The following BRINP3 variants were observed in gnomAD, a reference collection of about 807,000 sequenced individuals.
The protein encoded by BRINP3 is BMP/retinoic acid inducible neural specific 3.
A neutral mutation model predicts 71.0 loss-of-function variants in BRINP3; 19 were observed. The observed-to-expected ratio is 0.27, with a 90% confidence interval of 0.19 to 0.39. The LOEUF is 0.39. BRINP3 is among the 10% of genes least tolerant of loss of function. The pLI, the probability that BRINP3 is intolerant of heterozygous loss-of-function variation, is 1.00. For synonymous variants in BRINP3, 380 were observed against 337.7 expected (o/e 1.13, Z -1.37); for missense variants, 959 against 940.8 (o/e 1.02, Z -0.25).
intron 6 of BRINP3, among the ~76,000 whole-genome samples, chr1:190,190,230 C>T (rs1653915064): frequency 6.6e-6 from 1 of 152,040 alleles, no homozygotes; most frequent in Admixed American, 6.6e-5. Context: ...AAATGCTGGG[C>T]TTTACTTTGG....
intron 2 of BRINP3, among the ~76,000 whole-genome samples, chr1:190,415,656 A>C (rs1475624694): frequency 1.3e-5 from 2 of 152,130 alleles, no homozygotes; most frequent in Admixed American, 6.5e-5. Context: ...GTAAACTCAA[A>C]TAGGGATGCT....
At chr1:190,144,814 A>T (rs1655750751) in intron 7 of BRINP3, among the ~76,000 whole-genome samples, 1 of 152,140 alleles carries the variant, frequency 6.6e-6, no homozygotes, top group Admixed American at 6.5e-5. Flanking sequence ...ATGGGAAGCC[A>T]CAGGGGCTCC....
intron 7 of BRINP3, among the ~76,000 whole-genome samples, chr1:190,147,272 T>G (rs1423661088): frequency 6.6e-6 from 1 of 152,120 alleles, no homozygotes; most frequent in African/African-American, 2.4e-5. Context: ...CAAGTTTTAT[T>G]TACTGGCAAA....
chr1:190,379,882 C>A (rs1017579464), intron 2 of BRINP3, among the ~76,000 whole-genome samples: 5 of 151,052 alleles, frequency 3.3e-5, no homozygotes, highest in African/African-American at 7.3e-5. Flanking sequence ...ACCTGTAATT[C>A]CAGCTACTCA....
intron 6 of BRINP3, among the ~76,000 whole-genome samples, chr1:190,205,257 A>G (rs1293258614): frequency 2.0e-5 from 3 of 150,416 alleles, no homozygotes; most frequent in Middle Eastern, 3.2e-3. Context: ...AGATGTATGC[A>G]ACTTCTGAGC....
At chr1:190,443,318 T>C (rs1308440416) in intron 2 of BRINP3, among the ~76,000 whole-genome samples, 2 of 149,354 alleles carry the variant, frequency 1.3e-5, no homozygotes, top group Non-Finnish European at 3.0e-5. Context: ...GGCAGGAGAA[T>C]GGCGTGAACC....
intron 7 of BRINP3, among the ~76,000 whole-genome samples, chr1:190,160,394 T>C (rs1657242900): frequency 6.6e-6 from 1 of 152,188 alleles, no homozygotes; most frequent in African/African-American, 2.4e-5. Context: ...CAATTATTAG[T>C]TGGCTACAAC....
At chr1:190,379,085 A>G (rs2102235443) in intron 2 of BRINP3, among the ~76,000 whole-genome samples, 1 of 152,368 alleles carries the variant, frequency 6.6e-6, no homozygotes, top group African/African-American at 2.4e-5. Context: ...TCTCGATAAA[A>G]ATAACTTTAA....
intron 7 of BRINP3, among the ~76,000 whole-genome samples, chr1:190,104,896 A>G (rs931950704): frequency 6.6e-6 from 1 of 152,112 alleles, no homozygotes; most frequent in African/African-American, 2.4e-5. Context: ...TGTGGATACA[A>G]ACTTTAAAAC....
At chr1:190,301,363 A>G (rs1664727399) in intron 2 of BRINP3, among the ~76,000 whole-genome samples, 1 of 150,010 alleles carries the variant, frequency 6.7e-6, no homozygotes, top group African/African-American at 2.4e-5. Flanking sequence ...TGTGTTTAAT[A>G]TTTCCTCTAA....
intron 2 of BRINP3, among the ~76,000 whole-genome samples, chr1:190,392,392 A>G (rs557777758): frequency 6.6e-6 from 1 of 151,668 alleles, no homozygotes; most frequent in Non-Finnish European, 1.5e-5. Context: ...TAATATTACT[A>G]CTTCTACTTT....
chr1:190,323,009 G>T (rs908600424), intron 2 of BRINP3, among the ~76,000 whole-genome samples: 38 of 152,098 alleles, frequency 2.5e-4, no homozygotes, highest in Admixed American at 6.6e-4. Context: ...GTACTTTGAG[G>T]ATTCAAGGTC....
At chr1:190,337,838 G>A (rs1455525338) in intron 2 of BRINP3, among the ~76,000 whole-genome samples, 1 of 151,990 alleles carries the variant, frequency 6.6e-6, no homozygotes, top group Non-Finnish European at 1.5e-5. Flanking sequence ...ACATGGACTT[G>A]GATACTATCT....
chr1:190,319,649 G>T (rs2103046717), intron 2 of BRINP3, among the ~76,000 whole-genome samples: 1 of 152,186 alleles, frequency 6.6e-6, no homozygotes, highest in South Asian at 2.1e-4. Flanking sequence ...AAGAGCAAGA[G>T]ATTGAGGGAA....
At chr1:190,313,358 GGAA>G (rs995429661) in intron 2 of BRINP3, among the ~76,000 whole-genome samples, 2 of 151,940 alleles carry the variant, frequency 1.3e-5, no homozygotes, top group Non-Finnish European at 2.9e-5. Context: ...AGATGATACA[GGAA>G]GAAGAAAGGA....
chr1:190,424,815 T>A (rs566701904), intron 2 of BRINP3, among the ~76,000 whole-genome samples: 1 of 151,696 alleles, frequency 6.6e-6, no homozygotes, highest in Admixed American at 6.6e-5. Flanking sequence ...CTTTAGAAAG[T>A]CAACTTTAGA....
At chr1:190,215,783 A>C (rs1048863331) in intron 6 of BRINP3, among the ~76,000 whole-genome samples, 3 of 151,912 alleles carry the variant, frequency 2.0e-5, no homozygotes, top group Non-Finnish European at 4.4e-5. Flanking sequence ...ATGTCTCTAC[A>C]TTTAATAGGA....
intron 2 of BRINP3, among the ~76,000 whole-genome samples, chr1:190,299,325 CTT>C (rs1664492916): frequency 6.6e-6 from 1 of 151,820 alleles, no homozygotes; most frequent in East Asian, 1.9e-4. Flanking sequence ...CATTATAAAA[CTT>C]AAGTACAATG....
At chr1:190,340,718 A>G (rs1667600024) in intron 2 of BRINP3, among the ~76,000 whole-genome samples, 1 of 151,536 alleles carries the variant, frequency 6.6e-6, no homozygotes, top group Admixed American at 6.6e-5. Flanking sequence ...GAATGAGAAA[A>G]CAAAATCTCA....
Sources: gnomAD v4.1 joint callset for allele counts (sites outside exome capture counted in the v4.1 genomes callset) on GRCh38, gnomAD v4.1.1 for gene constraint, MANE v1.5 for transcripts, NCBI Gene and HGNC (gene_info 2026-07-23, HGNC 2026-07-21) for gene names.